Variants in SPAG9 observed in about 807,000 individuals in gnomAD.
SPAG9 encodes sperm associated antigen 9.
Under a neutral mutation model 166.5 loss-of-function variants are expected in SPAG9, and 35 were observed. That is an observed-to-expected ratio of 0.21 (90% confidence interval 0.16 to 0.28). The LOEUF (loss-of-function observed/expected upper bound fraction) is 0.28, where lower values mean the gene tolerates loss of function less well. SPAG9 is among the 10% of genes least tolerant of loss of function. SPAG9 has a pLI of 1.00. For synonymous variants in SPAG9, 534 were observed against 565.5 expected, an observed-to-expected ratio of 0.94 and a Z score of 0.79; for missense variants, 1,235 against 1,603.3, an observed-to-expected ratio of 0.77 and a Z score of 3.92.
chr17:51,003,615 G>A (rs1446758328), intron 12 of SPAG9, among the ~76,000 whole-genome samples: 1 of 152,160 alleles, frequency 6.6e-6, no homozygotes, highest in Admixed American at 6.5e-5. Context: ...AGTGAGCACA[G>A]GGGTAAGACC....
At chr17:51,012,178 T>C (rs1309049925) in intron 9 of SPAG9, among the ~76,000 whole-genome samples, 1 of 152,224 alleles carries the variant, frequency 6.6e-6, no homozygotes, top group East Asian at 1.9e-4. Context: ...AGTTAGTTTC[T>C]CAAACTAATT....
In SPAG9 at chr17:51,120,198, T is replaced by C. The variant is rs1349515346; in HGVS notation, c.303+156A>G. 6.6e-6 allele frequency among the ~76,000 whole-genome samples: 1 copy of C among 151,980 alleles called. No individual in the cohort carries two copies. Reference sequence around the variant, plus strand: ...TCCAACGCCGGCCTGGCTCCCGGGGTACCTGGAGGCCGCCGGGATCGGTCC... The same window carrying C: ...TCCAACGCCGGCCTGGCTCCCGGGGCACCTGGAGGCCGCCGGGATCGGTCC... On this transcript the variant is annotated intron_variant, in intron 1 of 29. Transcript: ENST00000262013. This position sits in a 1 kb window ranked among gnomAD's most constrained non-coding sequence, Gnocchi z 4.7.
chr17:51,007,469 G>A (rs1205807785), intron 9 of SPAG9, 143 bp from the exon 10 acceptor site: 2 of 423,544 alleles, frequency 4.7e-6, no homozygotes, highest in Non-Finnish European at 8.3e-6. Flanking sequence ...AATTTCATTT[G>A]ATGGACCTAC....
chr17:51,001,843 A>C lies in SPAG9; in HGVS notation c.1479T>G (p.Ser493Arg). 1 of 1,611,650 alleles carries C rather than the reference A, an allele frequency of 6.2e-7. No individual in the cohort carries two copies. Among genetic ancestry groups the C allele is most frequent in the Non-Finnish European group, 8.5e-7 (1 of 1,179,130 alleles). The change falls in exon 13 of 30, where the codon AGT becomes AGG. Residue 493 changes from serine (S) to arginine (R), a missense_variant and splice_region_variant. Ser to Arg is a moderately radical substitution (Grantham distance 110). Transcript: ENST00000262013. ...GTTTCCTCTGGGCTGTGGGAATATC[A>C]CTCTATAATGACAAGAAAATGACAT... Reference protein sequence around the residue: ...ARQKAKDDDDSDIPTAQRKRF... With the variant: ...ARQKAKDDDDRDIPTAQRKRF...
intron 13 of SPAG9, 64 bp from the exon 14 acceptor site, chr17:50,999,781 G>A: frequency 2.1e-6 from 3 of 1,413,956 alleles, no homozygotes; most frequent in Non-Finnish European, 3.0e-6. Context: ...TCTTTCTGAA[G>A]AACAAGAGAC....
Position 51,014,214 on chromosome 17 carries a change from T to C in SPAG9, c.1213+18A>G. The C allele has an allele frequency of 6.3e-7, 1 of 1,585,278 alleles. No homozygotes were observed. Among genetic ancestry groups the C allele is most frequent in the South Asian group, 1.2e-5 (1 of 86,114 alleles). On this transcript the variant is annotated intron_variant, in intron 9 of 29. Coordinates refer to ENST00000262013, the MANE Select transcript of SPAG9 (RefSeq NM_001130528.3). ...ATTTTAAAAACAGTATGATATTTCT[T>C]CAGATGAGCTATCATACCTAGTAAA...
intron 13 of SPAG9, among the ~76,000 whole-genome samples, chr17:51,000,755 GAATAAATA>G (rs71149335): frequency 0.013 from 1,205 of 89,308 alleles, 19 homozygotes; most frequent in African/African-American, 0.052. Flanking sequence ...ATAAATGAAT[GAATAAATA>G]AATAAATAAA....
chr17:51,016,741 C>T (rs1568001912), intron 8 of SPAG9, among the ~76,000 whole-genome samples: 1 of 151,934 alleles, frequency 6.6e-6, no homozygotes, highest in African/African-American at 2.4e-5. Context: ...CCCGTCTCTA[C>T]TAAAAATACA....
rs1294981250 is a variant in SPAG9, at chr17:51,021,210, T to G, written c.939A>C (p.Ile313=). 5 of 1,613,960 alleles carry G rather than the reference T, an allele frequency of 3.1e-6. No homozygotes were observed. Among genetic ancestry groups the G allele is most frequent in the African/African-American group, 1.3e-5 (1 of 74,896 alleles). ...KVTDAPNKSE[I]SKHIEVQVAQ... ...CTACCTGTACTTCAATGTGTTTGCT[T>G]ATCTCTGATTTATTTGGCGCATCTG... The change falls in exon 7 of 30, where the codon ATA becomes ATC. Residue 313 remains isoleucine, a synonymous_variant. Coordinates refer to ENST00000262013, the MANE Select transcript of SPAG9 (RefSeq NM_001130528.3).
chr17:51,103,857 T>C (rs1471264976), intron 1 of SPAG9, among the ~76,000 whole-genome samples: 1 of 152,170 alleles, frequency 6.6e-6, no homozygotes, highest in Non-Finnish European at 1.5e-5. Context: ...CATTCATCTA[T>C]TCAGAAAAAT....
At chr17:51,074,000 G>A (rs2047896770) in intron 2 of SPAG9, among the ~76,000 whole-genome samples, 2 of 152,176 alleles carry the variant, frequency 1.3e-5, no homozygotes, top group African/African-American at 2.4e-5. Flanking sequence ...ACTTTGGGAG[G>A]CCGAGGCAGG....
chr17:51,111,482 C>A (rs1057355030), intron 1 of SPAG9, among the ~76,000 whole-genome samples: 5 of 152,216 alleles, frequency 3.3e-5, no homozygotes, highest in Admixed American at 6.5e-5. Flanking sequence ...AAGCACAGAA[C>A]TGGATGTGTG....
chr17:50,993,138 A>C (rs1975751157), intron 19 of SPAG9, among the ~76,000 whole-genome samples: 1 of 151,150 alleles, frequency 6.6e-6, no homozygotes, highest in Non-Finnish European at 1.5e-5. Flanking sequence ...AACATGGTAA[A>C]ACCCCGTCTC....
chr17:50,982,361 G>A (rs139467640), intron 25 of SPAG9, among the ~76,000 whole-genome samples, 163 bp downstream of exon 25: 3 of 152,308 alleles, frequency 2.0e-5, no homozygotes, highest in African/African-American at 4.8e-5. Flanking sequence ...TGGCAAGAGA[G>A]TTAAGTAACA....
At chr17:50,993,315 C>CACA (rs1491136446) in intron 19 of SPAG9, among the ~76,000 whole-genome samples, 3 of 79,858 alleles carry the variant, frequency 3.8e-5, no homozygotes, top group African/African-American at 1.5e-4. Context: ...GACTCTGTCT[C>CACA]AAAAAAAAAA....
intron 2 of SPAG9, among the ~76,000 whole-genome samples, chr17:51,075,195 CAAAA>C (rs57533555): frequency 4.5e-4 from 13 of 28,964 alleles, no homozygotes; most frequent in Non-Finnish European, 5.8e-4. Context: ...GACTCCATCT[CAAAA>C]AAAAAAAAAA....
rs1271199694 is a variant in SPAG9 at position 50,988,634 on chromosome 17, C to T, written c.2813+1043G>A. ...GTGGTGATATCATGGCCCACTGTAGCCTCCAGCTCCCAGGGCTCAAGCAAT... is the reference window on the plus strand; with the variant it reads ...GTGGTGATATCATGGCCCACTGTAGTCTCCAGCTCCCAGGGCTCAAGCAAT... On this transcript the variant is annotated intron_variant, in intron 21 of 29. Transcript: ENST00000262013. Among the ~76,000 whole-genome samples the T allele has an allele frequency of 2.6e-5, 4 of 152,148 alleles. No homozygotes were observed. The East Asian group carries it at 7.7e-4, about 29-fold the overall frequency.
chr17:51,014,646 T>C lies in SPAG9; in HGVS notation c.1092-293A>G, dbSNP rs147549934. On this transcript the variant is annotated intron_variant, in intron 8 of 29. Coordinates refer to ENST00000262013, the MANE Select transcript of SPAG9 (RefSeq NM_001130528.3). ...CAGGTGCTGGTCTCAGTGCTTCCCATAGATTACCTATGTCACAAGAAGGCA... is the reference window on the plus strand; with the variant it reads ...CAGGTGCTGGTCTCAGTGCTTCCCACAGATTACCTATGTCACAAGAAGGCA... 1.8e-3 allele frequency: 437 copies of C among 247,428 alleles called. 1 individual carries two copies. The highest frequency in any genetic ancestry group is 9.0e-3 in the African/African-American group (406 of 45,082). 15.3% of individuals were successfully genotyped at this position (247,428 alleles called of 1,614,324 possible). A position where few individuals can be genotyped will look rare whatever the true frequency, so the allele number is the denominator to read the frequency against.
chr17:51,022,282 A>G (rs2045970635), intron 6 of SPAG9, among the ~76,000 whole-genome samples: 1 of 152,078 alleles, frequency 6.6e-6, no homozygotes, highest in Non-Finnish European at 1.5e-5. Flanking sequence ...GACAGAGTCT[A>G]AGTCCAACTC....
Sources: allele counts gnomAD v4.1 joint callset (sites outside exome capture counted in the v4.1 genomes callset), GRCh38; gene constraint gnomAD v4.1.1; non-coding constraint Gnocchi (gnomAD v3.1); transcripts MANE v1.5; gene names NCBI Gene and HGNC (gene_info 2026-07-23, HGNC 2026-07-21).